Variants in GRK5 observed in about 807,000 individuals in gnomAD.
GRK5 encodes G protein-coupled receptor kinase 5, also known as g protein-coupled receptor kinase GRK5.
Under a neutral mutation model 78.4 loss-of-function variants are expected in GRK5, and 40 were observed. The ratio of observed to expected loss-of-function variants is 0.51; its 90% CI spans 0.40 to 0.66. The LOEUF is 0.66. Ranked by LOEUF, GRK5 falls within the 30% of genes least tolerant of loss-of-function variation. The pLI, the probability that GRK5 is intolerant of heterozygous loss-of-function variation, is 0.00. For synonymous variants in GRK5, 289 were observed against 296.8 expected, an observed-to-expected ratio of 0.97 and a Z score of 0.27; for missense variants, 598 against 759.9, an observed-to-expected ratio of 0.79 and a Z score of 2.50.
intron 2 of GRK5, among the ~76,000 whole-genome samples, chr10:119,364,929 T>C (rs531394371): frequency 1.3e-5 from 2 of 152,248 alleles, no homozygotes; most frequent in Admixed American, 6.5e-5. Context: ...ACAATCATAT[T>C]CTTTGATCAT....
At chr10:119,274,419 C>T (rs563226860) in intron 1 of GRK5, among the ~76,000 whole-genome samples, 33 of 152,328 alleles carry the variant, frequency 2.2e-4, no homozygotes, top group African/African-American at 7.9e-4. Flanking sequence ...GGATCCCAGG[C>T]GTTAGCTTCC....
Position 119,207,872 on chromosome 10 carries a change from G to T in GRK5, c.-46G>T. On this transcript the variant is annotated 5_prime_UTR_variant, in exon 1 of 16. Transcript: ENST00000392870. ...CAGCAGCAGCGGCAGCACCCCAGGC[G>T]CTGACAGCCCCGCCGGCCGGCTCCG... The T allele has an allele frequency of 1.3e-6, 2 of 1,558,286 alleles. No homozygotes were observed. Among genetic ancestry groups the T allele is most frequent in the Non-Finnish European group, 8.7e-7 (1 of 1,153,120 alleles).
intron 4 of GRK5, among the ~76,000 whole-genome samples, chr10:119,419,023 T>C (rs1852518688): frequency 6.6e-6 from 1 of 152,244 alleles, no homozygotes; most frequent in African/African-American, 2.4e-5. Flanking sequence ...GCTAGAGTGC[T>C]GCCCAGCCAT....
chr10:119,218,840 A>G (rs1165292234), intron 1 of GRK5, among the ~76,000 whole-genome samples: 4 of 152,074 alleles, frequency 2.6e-5, no homozygotes, highest in Non-Finnish European at 5.9e-5. Context: ...AGAATGAATG[A>G]CTGATGCTAC....
At chr10:119,396,342 C>T (rs3781494) in intron 3 of GRK5, among the ~76,000 whole-genome samples, 4,430 of 152,344 alleles carry the variant, frequency 0.029, 181 homozygotes, top group East Asian at 0.17. Flanking sequence ...CAGTGGTCTT[C>T]AACCCCGGCT....
intron 13 of GRK5, among the ~76,000 whole-genome samples, chr10:119,449,901 C>T (rs982076735): frequency 4.6e-5 from 7 of 152,160 alleles, no homozygotes; most frequent in African/African-American, 7.2e-5. Context: ...GGCTGCCTGG[C>T]GAACCGCCTG....
intron 1 of GRK5, among the ~76,000 whole-genome samples, chr10:119,249,781 G>T (rs780242922): frequency 5.3e-5 from 8 of 152,338 alleles, no homozygotes; most frequent in Non-Finnish European, 1.0e-4. Context: ...GATTATAGGC[G>T]TGAGCCACTG....
At chr10:119,424,523 C>T (rs1300909793) in intron 5 of GRK5, among the ~76,000 whole-genome samples, 1 of 152,186 alleles carries the variant, frequency 6.6e-6, no homozygotes, top group African/African-American at 2.4e-5. Context: ...TCCAGAGCTG[C>T]GGTTCTGAGG....
At chr10:119,273,273 G>A (rs116699190) in intron 1 of GRK5, among the ~76,000 whole-genome samples, 1 of 152,328 alleles carries the variant, frequency 6.6e-6, no homozygotes, top group African/African-American at 2.4e-5. Flanking sequence ...CCTGTTCTGA[G>A]GCTGGTGGTG....
At chr10:119,299,574 G>T (rs1190058416) in intron 1 of GRK5, among the ~76,000 whole-genome samples, 2 of 152,182 alleles carry the variant, frequency 1.3e-5, no homozygotes, top group Non-Finnish European at 1.5e-5. Flanking sequence ...TCACTTTAGT[G>T]GTTCTGGGAT....
intron 8 of GRK5, among the ~76,000 whole-genome samples, chr10:119,435,791 A>G (rs1852907501): frequency 6.6e-6 from 1 of 152,100 alleles, no homozygotes; most frequent in Non-Finnish European, 1.5e-5. Flanking sequence ...TCTGGTACCA[A>G]TTTACTCTAT....
chr10:119,322,666 T>C (rs938354559), intron 1 of GRK5, among the ~76,000 whole-genome samples: 18 of 152,208 alleles, frequency 1.2e-4, no homozygotes, highest in Admixed American at 6.5e-5. Context: ...TGGGGATCCT[T>C]TTAAGAAGTC....
rs146827308 is a variant in GRK5 at position 119,234,831 on chromosome 10, T to C, written c.52+26862T>C. ...CCTCAGCCTCCCGAATACCTGGGAT[T>C]ATAGGTGCACGCCTTGTATTTTTAG... On this transcript the variant is annotated intron_variant, in intron 1 of 15. Coordinates refer to ENST00000392870, the MANE Select transcript of GRK5 (RefSeq NM_005308.3). Among the ~76,000 whole-genome samples, 262 of 151,848 alleles carry C rather than the reference T, an allele frequency of 1.7e-3. 1 individual carries two copies. Among genetic ancestry groups the C allele is most frequent in the African/African-American group, 6.0e-3 (249 of 41,376 alleles).
Position 119,448,223 on chromosome 10 carries a change from T to A in GRK5, c.1367T>A (p.Leu456Ter). The change falls in exon 13 of 16, where the codon TTA becomes TAA. Residue 456 changes from leucine to a stop codon, truncating the protein, a stop_gained. Coordinates refer to ENST00000392870, the MANE Select transcript of GRK5 (RefSeq NM_005308.3). LOFTEE classifies it high-confidence loss of function. ...TTCAGGAACATGAACTTCAAGCGCT[T>A]AGAAGCCGGGATGTTGGACCCTCCC... ...PFFRNMNFKRLEAGMLDPPFV... is the reference protein window; with the variant it reads ...PFFRNMNFKR 6.3e-7 allele frequency: 1 copy of A among 1,597,238 alleles called. No individual in the cohort carries two copies. Among genetic ancestry groups the A allele is most frequent in the Non-Finnish European group, 8.5e-7 (1 of 1,172,794 alleles).
At chr10:119,289,222 G>T (rs575852007) in intron 1 of GRK5, among the ~76,000 whole-genome samples, 2 of 152,314 alleles carry the variant, frequency 1.3e-5, no homozygotes, top group South Asian at 4.1e-4. Flanking sequence ...GGGGCCCAGA[G>T]CCACTTCTCT....
intron 1 of GRK5, among the ~76,000 whole-genome samples, chr10:119,305,688 G>T (rs916810934): frequency 6.6e-6 from 1 of 152,196 alleles, no homozygotes; most frequent in African/African-American, 2.4e-5. Flanking sequence ...CGGGAGACAC[G>T]TGTAAGTGCC....
chr10:119,320,590 C>T (rs1589742958), intron 1 of GRK5, among the ~76,000 whole-genome samples: 1 of 152,194 alleles, frequency 6.6e-6, no homozygotes, highest in Non-Finnish European at 1.5e-5. Flanking sequence ...AGGAGACCTC[C>T]AGGAAGGTAG....
chr10:119,304,134 A>G (rs1349316228), intron 1 of GRK5, among the ~76,000 whole-genome samples: 1 of 152,128 alleles, frequency 6.6e-6, no homozygotes. Flanking sequence ...ACTCAGCACA[A>G]ATCTAGAGAC....
In GRK5 at chr10:119,238,091, G is replaced by A. The variant is rs1206497944; in HGVS notation, c.52+30122G>A. ...CTAGGGAGGAAGGAGGTTGCTTTCT[G>A]TGTGCGTGTTTTTCTGTTTCATGTC... is the stretch of plus-strand genomic sequence containing the variant. On this transcript the variant is annotated intron_variant, in intron 1 of 15. Coordinates refer to ENST00000392870, the MANE Select transcript of GRK5 (RefSeq NM_005308.3). The surrounding 1 kb of genome is among the most constrained non-coding windows in gnomAD (Gnocchi z 4.7). 6.6e-6 allele frequency among the ~76,000 whole-genome samples: 1 copy of A among 152,190 alleles called. No homozygotes were observed.
Sources: gnomAD v4.1 joint callset for allele counts (sites outside exome capture counted in the v4.1 genomes callset) on GRCh38, gnomAD v4.1.1 for gene constraint, Gnocchi (gnomAD v3.1) non-coding constraint, MANE v1.5 for transcripts, NCBI Gene and HGNC (gene_info 2026-07-23, HGNC 2026-07-21) for gene names.